The following ACACA variants were observed in gnomAD, a reference collection of about 807,000 sequenced individuals.
ACACA encodes the protein acetyl-CoA carboxylase alpha, also known as acetyl-CoA carboxylase 1.
In ACACA, 103 loss-of-function variants were observed where a neutral mutation model predicts 296.1. The observed-to-expected ratio is 0.35, with a 90% CI of 0.30 to 0.41. The LOEUF is 0.41. ACACA is among the 10% of genes least tolerant of loss of function. The pLI is 1.00. For synonymous variants in ACACA, 953 were observed against 1,038.6 expected (o/e 0.92, Z 1.58); for missense variants, 1,554 against 2,989.7 (o/e 0.52, Z 11.20).
intron 52 of ACACA, among the ~76,000 whole-genome samples, chr17:37,104,892 T>C (rs929800475): frequency 4.5e-5 from 6 of 134,816 alleles, no homozygotes; most frequent in Non-Finnish European, 9.0e-5. Context: ...TGAGCTGTGA[T>C]CATGACACTG....
At chr17:37,184,866 A>T (rs1343272476) in intron 39 of ACACA, among the ~76,000 whole-genome samples, 1 of 146,296 alleles carries the variant, frequency 6.8e-6, no homozygotes, top group Non-Finnish European at 1.5e-5. Context: ...AAAAAAAAAA[A>T]TCCATGAAAC....
In ACACA at chr17:37,245,039, T is replaced by C. The variant is rs559518631; in HGVS notation, c.2595+41A>G. On this transcript the variant is annotated intron_variant, in intron 20 of 55. Coordinates refer to ENST00000616317, the MANE Select transcript of ACACA (RefSeq NM_198834.3). ...TGCCTCTCCAAACCACCAAGTTCTT[T>C]AGCTCTTAGAGAGCAATATTCGGAG... is the stretch of plus-strand genomic sequence containing the variant. 6 of 1,614,066 alleles carry C rather than the reference T, an allele frequency of 3.7e-6. No homozygotes were observed. The East Asian group carries it at 1.3e-4, about 36-fold the overall frequency.
chr17:37,374,194 AC>A (rs1257596747), intron 1 of ACACA, among the ~76,000 whole-genome samples: 1 of 152,190 alleles, frequency 6.6e-6, no homozygotes, highest in Non-Finnish European at 1.5e-5. Context: ...CTGTGTCTCT[AC>A]AAAACATAGC....
chr17:37,228,979 T>C (rs2079691416), intron 25 of ACACA, among the ~76,000 whole-genome samples: 1 of 151,878 alleles, frequency 6.6e-6, no homozygotes, highest in African/African-American at 2.4e-5. Context: ...CCGTCTCTAC[T>C]AAAAATACAA....
intron 25 of ACACA, among the ~76,000 whole-genome samples, chr17:37,226,862 T>C (rs1598244272): frequency 6.6e-6 from 1 of 152,204 alleles, no homozygotes; most frequent in African/African-American, 2.4e-5. Flanking sequence ...AGAAGGTAGA[T>C]ATAAGGCAAA....
At chr17:37,162,151 T>G in intron 41 of ACACA, 101 bp from the exon 42 acceptor site, 1 of 1,307,828 alleles carries the variant, frequency 7.6e-7, no homozygotes, top group Middle Eastern at 2.2e-4. Flanking sequence ...ACAGCCATTA[T>G]GTAAAGATAC....
chr17:37,251,237 G>A (rs2080979331), intron 16 of ACACA, among the ~76,000 whole-genome samples: 1 of 152,160 alleles, frequency 6.6e-6, no homozygotes, highest in Non-Finnish European at 1.5e-5. Flanking sequence ...GGAGTTGAAA[G>A]TCACGCCAAG....
Position 37,161,815 on chromosome 17 carries a change from T to C in ACACA, c.5315A>G (p.His1772Arg), listed in dbSNP as rs1215722090. ...ATCCTCAGGATCTACCCAGGCCACA[T>C]GAAACATATGGCGAATTTCTTCTGC... The part of the protein sequence containing the change: ...GLAEEIRHMF[H>R]VAWVDPEDPY... Residue 1772 changes from histidine to arginine, a missense_variant, in exon 42 of 56, where the codon CAT becomes CGT. His to Arg is a conservative substitution (Grantham distance 29). This residue lies in a region of ACACA where 553 missense variants were observed against 1,043.6 expected (regional missense o/e 0.53). Transcript: ENST00000616317. The C allele has an allele frequency of 6.2e-7, 1 of 1,613,514 alleles. No homozygotes were observed. The highest frequency in any genetic ancestry group is 8.5e-7 in the Non-Finnish European group (1 of 1,179,994).
intron 50 of ACACA, 106 bp downstream of exon 50, chr17:37,121,249 T>A: frequency 6.6e-7 from 1 of 1,505,350 alleles, no homozygotes; most frequent in Non-Finnish European, 9.2e-7. Flanking sequence ...CCAAAAAGCC[T>A]AGGCTATTAG....
intron 8 of ACACA, chr17:37,274,539 TA>T: frequency 1.1e-6 from 1 of 887,736 alleles, no homozygotes; most frequent in Non-Finnish European, 1.3e-6. Context: ...GAGCAACTTA[TA>T]AAAATGCAAA....
intron 1 of ACACA, among the ~76,000 whole-genome samples, chr17:37,401,383 G>C (rs2051284430): frequency 6.6e-6 from 1 of 151,640 alleles, no homozygotes; most frequent in African/African-American, 2.4e-5. Flanking sequence ...AGTAGAGACA[G>C]GGTTTCACCA....
At chr17:37,230,897 T>C (rs1487229974) in intron 25 of ACACA, among the ~76,000 whole-genome samples, 1 of 152,190 alleles carries the variant, frequency 6.6e-6, no homozygotes, top group African/African-American at 2.4e-5. Context: ...AAATCTGGCA[T>C]CCCAATCCAC....
chr17:37,113,719 A>C lies in ACACA; in HGVS notation c.6275-454T>G, dbSNP rs1284125812. Among the ~76,000 whole-genome samples the C allele has an allele frequency of 1.3e-5, 2 of 152,172 alleles. No homozygotes were observed. The highest frequency in any genetic ancestry group is 1.5e-5 in the Non-Finnish European group (1 of 68,032). On this transcript the variant is annotated intron_variant, in intron 50 of 55. Transcript: ENST00000616317. The surrounding 1 kb of genome is among the most constrained non-coding windows in gnomAD (Gnocchi z 4.0). ...GGATGAGCTCTTCAAATGTGCACCT[A>C]ATGGAAATTGATCCTTTAAAAATTT...
At chr17:37,311,690 C>T (rs1385813589) in intron 3 of ACACA, among the ~76,000 whole-genome samples, 1 of 151,670 alleles carries the variant, frequency 6.6e-6, no homozygotes, top group Non-Finnish European at 1.5e-5. Flanking sequence ...AAGAGAAAAA[C>T]AATATAGGAG....
chr17:37,406,289 G>A lies in ACACA; in HGVS notation c.11C>T (p.Ser4Phe), dbSNP rs568310868. The A allele has an allele frequency of 6.2e-7, 1 of 1,614,166 alleles. No individual in the cohort carries two copies. The highest frequency in any genetic ancestry group is 2.2e-5 in the East Asian group (1 of 44,884). Residue 4 changes from serine to phenylalanine, a missense_variant, in exon 1 of 56, where the codon TCT becomes TTT. This residue lies in a region of ACACA where 140 missense variants were observed against 147.7 expected (regional missense o/e 0.95). Transcript: ENST00000616317. Reference sequence around the variant, plus strand: ...AGCCCTCAAGATTGACATCAGAGTAGACCACCACATCCTCTCATCATTGCG... The same window carrying A: ...AGCCCTCAAGATTGACATCAGAGTAAACCACCACATCCTCTCATCATTGCG... The part of the protein sequence containing the change: MWW[S>F]TLMSILRARS...
intron 1 of ACACA, among the ~76,000 whole-genome samples, chr17:37,365,273 T>G (rs1328469573): frequency 6.6e-6 from 1 of 152,176 alleles, no homozygotes; most frequent in Non-Finnish European, 1.5e-5. Flanking sequence ...GTTCAGAATT[T>G]AATTAGGATA....
At chr17:37,130,287 C>A in intron 45 of ACACA, 69 bp from the exon 46 acceptor site, 1 of 1,591,092 alleles carries the variant, frequency 6.3e-7, no homozygotes, top group Non-Finnish European at 8.6e-7. Flanking sequence ...TTTCACAAGT[C>A]GCACTAAAAT....
At chr17:37,250,339 T>C (rs80168796) in intron 16 of ACACA, among the ~76,000 whole-genome samples, 2,264 of 152,318 alleles carry the variant, frequency 0.015, 29 homozygotes, top group East Asian at 0.048. Flanking sequence ...TGTTAACTGT[T>C]CTTAAAGATA....
At chr17:37,267,143 T>G (rs993898139) in intron 10 of ACACA, among the ~76,000 whole-genome samples, 61 of 152,358 alleles carry the variant, frequency 4.0e-4, no homozygotes, top group African/African-American at 1.4e-3. Context: ...TGACTTGGTA[T>G]AGCAACCATT....
Sources: gnomAD v4.1 joint callset for allele counts (sites outside exome capture counted in the v4.1 genomes callset) on GRCh38, gnomAD v4.1.1 for gene constraint, gnomAD v4.1.1 regional missense constraint, Gnocchi (gnomAD v3.1) non-coding constraint, MANE v1.5 for transcripts, NCBI Gene and HGNC (gene_info 2026-07-23, HGNC 2026-07-21) for gene names.